Variants in ESRRB observed in about 807,000 individuals in gnomAD.
ESRRB encodes estrogen related receptor beta, also known as steroid hormone receptor ERR2.
ESRRB carries 16 observed loss-of-function variants against 46.0 expected under a neutral mutation model. The ratio of observed to expected loss-of-function variants is 0.35; its 90% CI spans 0.24 to 0.53. ESRRB has a LOEUF of 0.53. Ranked by LOEUF, ESRRB falls within the 20% of genes least tolerant of loss-of-function variation. The pLI is 0.93. For synonymous variants in ESRRB, 246 were observed against 259.6 expected, an observed-to-expected ratio of 0.95 and a Z score of 0.50; for missense variants, 488 against 607.4, an observed-to-expected ratio of 0.80 and a Z score of 2.07.
chr14:76,485,682 A>AGC, intron 5 of ESRRB, among the ~76,000 whole-genome samples: 1 of 151,586 alleles, frequency 6.6e-6, no homozygotes, highest in South Asian at 2.1e-4. Context: ...AGAGAGAGAG[A>AGC]GCTGGTTGAG....
chr14:76,357,269 A>T (rs1884390494), intron 1 of ESRRB, among the ~76,000 whole-genome samples: 1 of 152,222 alleles, frequency 6.6e-6, no homozygotes, highest in Non-Finnish European at 1.5e-5. Flanking sequence ...TGGGATTCAC[A>T]TTTTTTACAA....
At chr14:76,454,583 A>G (rs1380697303) in intron 2 of ESRRB, among the ~76,000 whole-genome samples, 5 of 152,082 alleles carry the variant, frequency 3.3e-5, no homozygotes, top group African/African-American at 9.7e-5. Context: ...AGAGGGAGGT[A>G]TGGGAGGGCC....
chr14:76,333,485 A>G (rs538948296), intron 1 of ESRRB, among the ~76,000 whole-genome samples: 42 of 122,488 alleles, frequency 3.4e-4, no homozygotes, highest in African/African-American at 1.2e-3. Context: ...ATAAATATAT[A>G]TTATATATAT....
At chr14:76,392,483 C>T (rs1034416859) in intron 1 of ESRRB, among the ~76,000 whole-genome samples, 3 of 152,206 alleles carry the variant, frequency 2.0e-5, no homozygotes, top group African/African-American at 4.8e-5. Flanking sequence ...CCCAAGGTGG[C>T]GCAGTGGATC....
At chr14:76,439,899 C>G in intron 2 of ESRRB, 149 bp downstream of exon 2, 1 of 835,406 alleles carries the variant, frequency 1.2e-6, no homozygotes, top group Non-Finnish European at 1.8e-6. Flanking sequence ...TTCCCTTGCT[C>G]AGGGCTTCTC....
chr14:76,457,675 T>C (rs1888670996), intron 2 of ESRRB, among the ~76,000 whole-genome samples: 1 of 152,132 alleles, frequency 6.6e-6, no homozygotes, highest in Non-Finnish European at 1.5e-5. Context: ...TAGGGAACTT[T>C]TATTTTTTAT....
At chr14:76,375,569 G>C (rs996534354), upstream of ESRRB, among the ~76,000 whole-genome samples, 1 of 152,226 alleles carries the variant, frequency 6.6e-6, no homozygotes, top group Non-Finnish European at 1.5e-5. Flanking sequence ...CCATATGAGA[G>C]TGGTGCAGAA....
chr14:76,405,250 C>A (rs1003250930), intron 1 of ESRRB, among the ~76,000 whole-genome samples: 1 of 152,058 alleles, frequency 6.6e-6, no homozygotes, highest in African/African-American at 2.4e-5. Flanking sequence ...TACAGGCACA[C>A]ACCACTGCAC....
chr14:76,474,322 G>A (rs1325895058), intron 3 of ESRRB, among the ~76,000 whole-genome samples: 1 of 152,168 alleles, frequency 6.6e-6, no homozygotes, highest in South Asian at 2.1e-4. Flanking sequence ...ACTCTGTTAC[G>A]TTTCAATATT....
At chr14:76,496,260 C>A (rs1001320893) in intron 6 of ESRRB, among the ~76,000 whole-genome samples, 1 of 152,140 alleles carries the variant, frequency 6.6e-6, no homozygotes, top group Non-Finnish European at 1.5e-5. Flanking sequence ...AAGACATGAG[C>A]CTGGATGTGG....
chr14:76,485,626 T>TGAGAGAGAGA lies in ESRRB; in HGVS notation c.850+2892_850+2901dup, dbSNP rs151021182. Among the ~76,000 whole-genome samples, 837 of 143,798 alleles carry TGAGAGAGAGA rather than the reference T, an allele frequency of 5.8e-3. 5 individuals are homozygous for TGAGAGAGAGA. Among genetic ancestry groups the TGAGAGAGAGA allele is most frequent in the East Asian group, 0.016 (70 of 4,440 alleles). 94.3% of individuals were successfully genotyped at this position (143,798 alleles called of 152,430 possible). A position where few individuals can be genotyped will look rare whatever the true frequency, so the allele number is the denominator to read the frequency against. On this transcript the variant is annotated intron_variant, in intron 5 of 6. Coordinates refer to ENST00000644823, the MANE Select transcript of ESRRB (RefSeq NM_001379180.1). ...CATCTGAAGATGGGCTCCCTATCCC[T>TGAGAGAGAGA]GAGAGAGAGAGAGAGAGAGAGAGAG...
rs1000190776 is a variant in ESRRB at position 76,499,466 on chromosome 14, C to G, written c.*1008C>G. 6 of 352,882 alleles carry G rather than the reference C, an allele frequency of 1.7e-5. No homozygotes were observed. Among genetic ancestry groups the G allele is most frequent in the Non-Finnish European group, 2.7e-5 (5 of 182,634 alleles). The allele number at this position is 352,882 out of a possible 1,614,324, so 21.9% of individuals were successfully genotyped here. A position where few individuals can be genotyped will look rare whatever the true frequency, so the allele number is the denominator to read the frequency against. On this transcript the variant is annotated 3_prime_UTR_variant, in exon 7 of 7. Coordinates refer to ENST00000644823, the MANE Select transcript of ESRRB (RefSeq NM_001379180.1). The stretch of plus-strand genomic sequence containing the variant: ...TGCCAAGCACAGAAAGGCCGAGCAG[C>G]TGAGATAAGTAGGCAGGGGAGCCCC...
At chr14:76,485,627 GAGAGAGAGA>G (rs1180923207) in intron 5 of ESRRB, among the ~76,000 whole-genome samples, 3 of 6,406 alleles carry the variant, frequency 4.7e-4, no homozygotes, top group African/African-American at 3.8e-3. Context: ...CCCTATCCCT[GAGAGAGAGA>G]GAGAGAGAGA....
intron 1 of ESRRB, among the ~76,000 whole-genome samples, chr14:76,388,152 T>C (rs1885315470): frequency 6.6e-6 from 1 of 151,412 alleles, no homozygotes; most frequent in Non-Finnish European, 1.5e-5. Flanking sequence ...TCATTGCATC[T>C]AGAATTTCAG....
chr14:76,426,383 C>A (rs989163639), intron 1 of ESRRB, among the ~76,000 whole-genome samples: 2 of 152,170 alleles, frequency 1.3e-5, no homozygotes, highest in African/African-American at 4.8e-5. Context: ...TAGCCAACTG[C>A]CAGGGTGACT....
intron 1 of ESRRB, among the ~76,000 whole-genome samples, chr14:76,425,266 C>T (rs1887147958): frequency 6.6e-6 from 1 of 152,130 alleles, no homozygotes; most frequent in African/African-American, 2.4e-5. Context: ...GGAAGAAATA[C>T]TTTTACTTTT....
chr14:76,324,309 G>A lies in ESRRB; in HGVS notation c.2+13393G>A, dbSNP rs149118523. ...CATTGGCTGAGAGCTGCCCCGGCAG[G>A]GAGGGAGTAGACTCCTAGGCCCTTC... On this transcript the variant is annotated intron_variant, in intron 1 of 6. Coordinates refer to the ESRRB transcript ENST00000512784. Among the ~76,000 whole-genome samples, 460 of 152,310 alleles carry A rather than the reference G, an allele frequency of 3.0e-3. 3 individuals carry two copies. The highest frequency in any genetic ancestry group is 0.011 in the African/African-American group (437 of 41,574).
chr14:76,430,365 T>C (rs563041491), intron 1 of ESRRB, among the ~76,000 whole-genome samples: 1 of 152,224 alleles, frequency 6.6e-6, no homozygotes, highest in South Asian at 2.1e-4. Context: ...TTCTGTGGAG[T>C]GGATTCCCAT....
rs565519242 is a variant in ESRRB at position 76,420,863 on chromosome 14, C to A, written c.51-18478C>A. On this transcript the variant is annotated intron_variant, in intron 1 of 6. Coordinates refer to ENST00000644823, the MANE Select transcript of ESRRB (RefSeq NM_001379180.1). ...GCTTGCAGACCACCCTCACACACCC[C>A]ACCTGTGCACATGGATGACATGGCC... Among the ~76,000 whole-genome samples, 4 of 152,144 alleles carry A rather than the reference C, an allele frequency of 2.6e-5. No homozygotes were observed. The East Asian group carries it at 7.7e-4, about 29-fold the overall frequency.
Sources: gnomAD v4.1 joint callset for allele counts (sites outside exome capture counted in the v4.1 genomes callset) on GRCh38, gnomAD v4.1.1 for gene constraint, MANE v1.5 for transcripts, NCBI Gene and HGNC (gene_info 2026-07-23, HGNC 2026-07-21) for gene names.